The following PEX5 variants were observed in gnomAD, a reference collection of about 807,000 sequenced individuals.
PEX5 encodes the protein PTS1 receptor.
A neutral mutation model predicts 82.9 loss-of-function variants in PEX5; 52 were observed. The ratio of observed to expected loss-of-function variants is 0.63; its 90% CI spans 0.50 to 0.79. PEX5 has a LOEUF of 0.79. Ranked by LOEUF, PEX5 falls within the 30% of genes least tolerant of loss-of-function variation. The probability of loss-of-function intolerance (pLI) is 0.00; values close to 1 mark genes in which losing one functional copy is unlikely to be tolerated. For missense variants in PEX5, 719 were observed against 815.2 expected (o/e 0.88, Z 1.44); for synonymous variants, 300 against 318.8 (o/e 0.94, Z 0.63).
downstream of PEX5, among the ~76,000 whole-genome samples, chr12:7,214,537 A>T (rs1565732453): frequency 8.0e-6 from 1 of 125,430 alleles, no homozygotes; most frequent in Non-Finnish European, 1.6e-5. Flanking sequence ...GGACACAGGA[A>T]GGGGAACATC....
At chr12:7,190,831 T>C in intron 2 of PEX5, 57 bp from the exon 3 acceptor site, 1 of 1,551,874 alleles carries the variant, frequency 6.4e-7, no homozygotes, top group South Asian at 1.1e-5. Flanking sequence ...ATGGGCTTCA[T>C]CAACCCCTGA....
chr12:7,189,955 C>T (rs1022243683), intron 1 of PEX5: 1 of 1,491,074 alleles, frequency 6.7e-7, no homozygotes, highest in Non-Finnish European at 8.8e-7. Context: ...CCGTGCTCAC[C>T]GCGTGCTGGG....
intron 6 of PEX5, among the ~76,000 whole-genome samples, chr12:7,199,822 C>A (rs1329367397): frequency 7.2e-6 from 1 of 138,560 alleles, no homozygotes; most frequent in African/African-American, 2.7e-5. Flanking sequence ...GGGCGGCTGG[C>A]CGGGCGGGGG....
chr12:7,194,629 G>A (rs1331934516), intron 5 of PEX5, among the ~76,000 whole-genome samples: 1 of 151,910 alleles, frequency 6.6e-6, no homozygotes, highest in African/African-American at 2.4e-5. Flanking sequence ...AAATCTTCTG[G>A]GTCAAATAAT....
chr12:7,202,662 T>G lies in PEX5; in HGVS notation c.804T>G (p.Ser268=). 6.2e-7 allele frequency: 1 copy of G among 1,614,150 alleles called. No homozygotes were observed. The highest frequency in any genetic ancestry group is 8.5e-7 in the Non-Finnish European group (1 of 1,180,000). The part of the protein sequence containing the change: ...VDQFTRPVNT[S]ALDMEFERAK... ...AGTTCACAAGACCAGTAAACACATC[T>G]GCCCTTGATATGGAGTTTGAACGAG... is the stretch of plus-strand genomic sequence containing the variant. The change falls in exon 9 of 16, where the codon TCT becomes TCG. Residue 268 remains serine, a synonymous_variant. Transcript: ENST00000675855.
intron 6 of PEX5, among the ~76,000 whole-genome samples, chr12:7,199,741 T>C (rs1943414176): frequency 6.6e-6 from 1 of 150,816 alleles, no homozygotes; most frequent in African/African-American, 2.4e-5. Flanking sequence ...GACGGGGTGG[T>C]GGCCAGGCAG....
chr12:7,204,127 A>G (rs1944480228), intron 10 of PEX5, among the ~76,000 whole-genome samples: 2 of 152,216 alleles, frequency 1.3e-5, no homozygotes, highest in Admixed American at 6.5e-5. Flanking sequence ...TTAGAAGCAT[A>G]TGTTACTTCT....
chr12:7,217,258 C>T (rs756410229), intron 17 of PEX5, among the ~76,000 whole-genome samples: 2 of 152,306 alleles, frequency 1.3e-5, no homozygotes, highest in South Asian at 2.1e-4. Flanking sequence ...TTTACCTTTT[C>T]TTGGGAAGTA....
rs139347001 is a variant in PEX5, at chr12:7,210,071, C to T, written c.1768C>T (p.Arg590Trp). The T allele has an allele frequency of 4.6e-5, 75 of 1,614,096 alleles. No homozygotes were observed. Among genetic ancestry groups the T allele is most frequent in the Middle Eastern group, 1.6e-4 (1 of 6,084 alleles). Residue 590 changes from arginine to tryptophan, a missense_variant, in exon 16 of 16, where the codon CGG (arginine) becomes TGG (tryptophan). Coordinates refer to ENST00000675855, the MANE Select transcript of PEX5 (RefSeq NM_001351132.2). ...LEALNMQRKS[R>W]GPRGEGGAMS... is the part of the protein sequence containing the mutation. ...GGCCCTGAACATGCAGAGGAAAAGC[C>T]GGGGCCCCCGGGGTGAAGGAGGTGC...
chr12:7,215,477 C>T (rs1034455337), downstream of PEX5, among the ~76,000 whole-genome samples: 4 of 152,120 alleles, frequency 2.6e-5, no homozygotes, highest in Non-Finnish European at 4.4e-5. Context: ...ATAGCAACGA[C>T]GTGGAATCAA....
At chr12:7,205,431 C>T (rs888026144) in intron 10 of PEX5, among the ~76,000 whole-genome samples, 4 of 152,066 alleles carry the variant, frequency 2.6e-5, no homozygotes, top group Non-Finnish European at 4.4e-5. Flanking sequence ...TTATTGATAG[C>T]CCTTATATTT....
rs761115769 is a variant in PEX5, at chr12:7,210,662, G to A, written c.*439G>A. 1.1e-4 allele frequency: 33 copies of A among 301,128 alleles called. No individual in the cohort carries two copies. Among genetic ancestry groups the A allele is most frequent in the African/African-American group, 1.9e-4 (9 of 46,186 alleles). 18.7% of individuals were successfully genotyped at this position (301,128 alleles called of 1,614,324 possible). Reference sequence around the variant, plus strand: ...TAAGTAGGAGGTTCATCTGCTGTGCGCCTCTAATGTCTGTCTGGATGGGAT... The same window carrying A: ...TAAGTAGGAGGTTCATCTGCTGTGCACCTCTAATGTCTGTCTGGATGGGAT... On this transcript the variant is annotated 3_prime_UTR_variant, in exon 16 of 16. Coordinates refer to ENST00000675855, the MANE Select transcript of PEX5 (RefSeq NM_001351132.2).
At chr12:7,199,901 G>A (rs1400674085) in intron 6 of PEX5, among the ~76,000 whole-genome samples, 4 of 71,842 alleles carry the variant, frequency 5.6e-5, no homozygotes, top group African/African-American at 1.7e-4. Flanking sequence ...CCTCCCTCCC[G>A]GACGGGGCGG....
chr12:7,198,483 T>C (rs1943152469), intron 5 of PEX5, among the ~76,000 whole-genome samples: 1 of 152,194 alleles, frequency 6.6e-6, no homozygotes, highest in Non-Finnish European at 1.5e-5. Flanking sequence ...CCTATGTGTC[T>C]TTAATTCTAG....
intron 2 of PEX5, 173 bp downstream of exon 2, chr12:7,190,697 C>T: frequency 1.4e-6 from 2 of 1,438,646 alleles, no homozygotes; most frequent in Non-Finnish European, 1.9e-6. Flanking sequence ...TAACTGCTTT[C>T]TCTATTGTGT....
rs114376892 is a variant in PEX5 at position 7,195,780 on chromosome 12, A to C, written c.449-3231A>C. ...TAGTAGTTATTTTTCAACAGAATGG[A>C]GCTAAGAATTTCAACTAAGAATGGA... On this transcript the variant is annotated intron_variant, in intron 5 of 15. Coordinates refer to ENST00000675855, the MANE Select transcript of PEX5 (RefSeq NM_001351132.2). Among the ~76,000 whole-genome samples, 834 of 151,388 alleles carry C rather than the reference A, an allele frequency of 5.5e-3. 10 individuals are homozygous for C. The highest frequency in any genetic ancestry group is 0.019 in the African/African-American group (786 of 41,416).
chr12:7,196,014 T>TTACATTA (rs1290708122), intron 5 of PEX5, among the ~76,000 whole-genome samples: 2 of 40,530 alleles, frequency 4.9e-5, no homozygotes, highest in African/African-American at 8.5e-5. Flanking sequence ...ATATTTCTTA[T>TTACATTA]TACATTATAC....
chr12:7,197,338 TTA>T (rs1337271522), intron 5 of PEX5, among the ~76,000 whole-genome samples: 63 of 94,224 alleles, frequency 6.7e-4, no homozygotes, highest in Admixed American at 2.8e-3. Flanking sequence ...AATGTAATAA[TTA>T]TATATGTCAT....
upstream of PEX5, chr12:7,189,452 G>C (rs1940464877): frequency 6.5e-6 from 1 of 153,968 alleles, no homozygotes; most frequent in East Asian, 1.9e-4. Flanking sequence ...TCTTCTTTGA[G>C]CTTTCCGTCA....
Sources: gnomAD v4.1 joint callset for allele counts (sites outside exome capture counted in the v4.1 genomes callset) on GRCh38, gnomAD v4.1.1 for gene constraint, MANE v1.5 for transcripts, NCBI Gene and HGNC (gene_info 2026-07-23, HGNC 2026-07-21) for gene names.